CASZ1: variants seen among roughly 807,000 people sequenced by gnomAD.
The protein encoded by CASZ1 is zinc finger protein castor homolog 1.
CASZ1 carries 28 observed loss-of-function variants against 135.2 expected under a neutral mutation model. That is an observed-to-expected ratio of 0.21 (90% CI 0.15 to 0.28). The LOEUF (loss-of-function observed/expected upper bound fraction) is 0.28, where lower values mean the gene tolerates loss of function less well. Among genes scored for constraint, CASZ1 ranks in the 10% least tolerant of loss-of-function variants. CASZ1 has a pLI of 1.00. For synonymous variants in CASZ1, 1,068 were observed against 1,073.4 expected, an observed-to-expected ratio of 0.99 and a Z score of 0.10; for missense variants, 2,161 against 2,453.3, an observed-to-expected ratio of 0.88 and a Z score of 2.52.
chr1:10,765,708 G>A (rs1421986997), intron 1 of CASZ1, among the ~76,000 whole-genome samples: 3 of 152,182 alleles, frequency 2.0e-5, no homozygotes, highest in Non-Finnish European at 2.9e-5. Flanking sequence ...GGGCAAGAAC[G>A]CAGCTCAAGT....
At position 10,697,223 on chromosome 1, in the gene CASZ1, G is replaced by A. The variant is rs902629913; in HGVS notation, c.-23-3311C>T. 6.6e-6 allele frequency among the ~76,000 whole-genome samples: 1 copy of A among 150,750 alleles called. No individual in the cohort carries two copies. The highest frequency in any genetic ancestry group is 2.4e-5 in the African/African-American group (1 of 41,144). On this transcript the variant is annotated intron_variant, in intron 3 of 20. Coordinates refer to ENST00000377022, the MANE Select transcript of CASZ1 (RefSeq NM_001079843.3). This position sits in a 1 kb window ranked among gnomAD's most constrained non-coding sequence, Gnocchi z 4.7. ...TATGAGTCAGAGGCTGTGTCATGGA[G>A]GGGCCCCCAGATTATGCGCCCCCCC...
intron 2 of CASZ1, among the ~76,000 whole-genome samples, chr1:10,714,099 G>A (rs988168712): frequency 7.2e-5 from 11 of 152,296 alleles, no homozygotes; most frequent in African/African-American, 2.6e-4. Flanking sequence ...CTGAGGTCAC[G>A]AGTTCGAGAC....
In CASZ1 at chr1:10,762,136, G is replaced by A. The variant is rs564971032; in HGVS notation, c.-233-1279C>T. On this transcript the variant is annotated intron_variant, in intron 1 of 20. Coordinates refer to ENST00000377022, the MANE Select transcript of CASZ1 (RefSeq NM_001079843.3). The surrounding 1 kb of genome is among the most constrained non-coding windows in gnomAD (Gnocchi z 4.1). ...GCCTCCCAAGGTTGGACCTGAGTGCGAGGGGGAGTTGGCTCTTTGAAGGTG... is the reference window on the plus strand; with the variant it reads ...GCCTCCCAAGGTTGGACCTGAGTGCAAGGGGGAGTTGGCTCTTTGAAGGTG... Among the ~76,000 whole-genome samples the A allele has an allele frequency of 2.0e-5, 3 of 152,162 alleles. No homozygotes were observed. Among genetic ancestry groups the A allele is most frequent in the African/African-American group, 4.8e-5 (2 of 41,532 alleles).
At position 10,646,958 on chromosome 1, in the gene CASZ1, G is replaced by T. The variant is rs1055478631; in HGVS notation, c.3498-632C>A. On this transcript the variant is annotated intron_variant, in intron 16 of 20. Transcript: ENST00000377022. This position sits in a 1 kb window ranked among gnomAD's most constrained non-coding sequence, Gnocchi z 6.4. Reference sequence around the variant, plus strand: ...CGGGTGTGCTGGCCTGCCCTAGGCCGCCTCCAGGATGCAGAGGGGTGCAGG... The same window carrying T: ...CGGGTGTGCTGGCCTGCCCTAGGCCTCCTCCAGGATGCAGAGGGGTGCAGG... 6.6e-6 allele frequency among the ~76,000 whole-genome samples: 1 copy of T among 152,100 alleles called. No individual in the cohort carries two copies. Among genetic ancestry groups the T allele is most frequent in the Non-Finnish European group, 1.5e-5 (1 of 67,994 alleles).
At chr1:10,687,329 C>G (rs562754555) in intron 4 of CASZ1, among the ~76,000 whole-genome samples, 81 of 152,228 alleles carry the variant, frequency 5.3e-4, no homozygotes, top group Non-Finnish European at 9.3e-4. Context: ...CCAGCCTCAG[C>G]CAGGTGGCAT....
rs1175551598 is a variant in CASZ1, at chr1:10,726,417, T to C, written c.-76-20873A>G. Among the ~76,000 whole-genome samples the C allele has an allele frequency of 6.6e-6, 1 of 152,206 alleles. No homozygotes were observed. The highest frequency in any genetic ancestry group is 1.5e-5 in the Non-Finnish European group (1 of 68,026). On this transcript the variant is annotated intron_variant, in intron 2 of 20. Coordinates refer to ENST00000377022, the MANE Select transcript of CASZ1 (RefSeq NM_001079843.3). This position sits in a 1 kb window ranked among gnomAD's most constrained non-coding sequence, Gnocchi z 5.7. ...TTCAGAAGATGCTATGAAATACTCA[T>C]GGCCATCACAGTCCTCCTGGCTGGA...
In CASZ1 at chr1:10,639,253, G is replaced by T. The variant is rs1642112498; in HGVS notation, c.4969C>A (p.Pro1657Thr). 2.1e-6 allele frequency: 2 copies of T among 952,144 alleles called. No individual in the cohort carries two copies. Among genetic ancestry groups the T allele is most frequent in the African/African-American group, 3.6e-5 (2 of 55,838 alleles). The allele number at this position is 952,144 out of a possible 1,614,324, so 59.0% of individuals were successfully genotyped here. A position where few individuals can be genotyped will look rare whatever the true frequency, so the allele number is the denominator to read the frequency against. The stretch of plus-strand genomic sequence containing the variant: ...GCGGCGGCGCCCTCGCGCGGCCCGG[G>T]GGCGGCGGCGTCGGGCGGGCCGGGG... ...GDPGPPDAAA[P>T]GPREGAAAAA... Residue 1657 changes from proline to threonine, a missense_variant, in exon 21 of 21, where the codon CCC becomes ACC. Pro to Thr is a conservative substitution (Grantham distance 38, BLOSUM62 -1). Around this residue, in one of 7 missense-constraint regions of CASZ1, gnomAD observed 185 missense variants for 134.7 expected, o/e 1.37. Coordinates refer to ENST00000377022, the MANE Select transcript of CASZ1 (RefSeq NM_001079843.3). The surrounding 1 kb of genome is among the most constrained non-coding windows in gnomAD (Gnocchi z 4.0).
In CASZ1 at chr1:10,740,515, G is replaced by A. The variant is rs553727328; in HGVS notation, c.-77+20186C>T. ...GGGCTTTGAGGCAGTGTCTCCCCAG[G>A]GCAGCCACACCATGGTGGAGGCCCT... On this transcript the variant is annotated intron_variant, in intron 2 of 20. Transcript: ENST00000377022. Among the ~76,000 whole-genome samples, 6 of 152,344 alleles carry A rather than the reference G, an allele frequency of 3.9e-5. No individual in the cohort carries two copies. In the South Asian group the frequency reaches 1.2e-3, roughly 32 times the overall value.
rs1049064942 is a variant in CASZ1 at position 10,699,200 on chromosome 1, C to T, written c.-23-5288G>A. ...ATGGCCCAAATCTGGCCTCTCCCTG[C>T]ACTTCCAGCTCATCCTCCGTTCTCC... On this transcript the variant is annotated intron_variant, in intron 3 of 20. Coordinates refer to ENST00000377022, the MANE Select transcript of CASZ1 (RefSeq NM_001079843.3). The surrounding 1 kb of genome is among the most constrained non-coding windows in gnomAD (Gnocchi z 4.6). 9.2e-5 allele frequency among the ~76,000 whole-genome samples: 14 copies of T among 152,236 alleles called. No homozygotes were observed. Among genetic ancestry groups the T allele is most frequent in the African/African-American group, 3.1e-4 (13 of 41,456 alleles).
intron 2 of CASZ1, among the ~76,000 whole-genome samples, chr1:10,714,464 G>A (rs942588375): frequency 2.0e-5 from 3 of 152,206 alleles, no homozygotes; most frequent in Admixed American, 1.3e-4. Context: ...CTTCCACTAC[G>A]CCAGAGCCTT....
Position 10,726,495 on chromosome 1 carries a change from C to T in CASZ1, c.-76-20951G>A, listed in dbSNP as rs549893624. Among the ~76,000 whole-genome samples, 27 of 152,294 alleles carry T rather than the reference C, an allele frequency of 1.8e-4. No homozygotes were observed. Among genetic ancestry groups the T allele is most frequent in the African/African-American group, 6.3e-4 (26 of 41,572 alleles). ...TCCTCCAGGCTGGCCAGGCTGGGGC[C>T]GGTGGAGGATGCCACCTTTTCCTCG... On this transcript the variant is annotated intron_variant, in intron 2 of 20. Transcript: ENST00000377022. This position sits in a 1 kb window ranked among gnomAD's most constrained non-coding sequence, Gnocchi z 5.7.
intron 4 of CASZ1, among the ~76,000 whole-genome samples, chr1:10,668,783 G>A (rs1212840242): frequency 6.6e-6 from 1 of 152,272 alleles, no homozygotes; most frequent in Non-Finnish European, 1.5e-5. Context: ...AGGTGAGAGA[G>A]GGCACCTGTC....
intron 4 of CASZ1, among the ~76,000 whole-genome samples, chr1:10,683,306 T>C (rs284262): frequency 0.57 from 86,249 of 151,806 alleles, 25,166 homozygotes; most frequent in African/African-American, 0.64. Flanking sequence ...GGAAAGAAGC[T>C]GGTTCACTCT....
In CASZ1 at chr1:10,659,907, G is replaced by A. The variant is rs142093239; in HGVS notation, c.1135C>T (p.Arg379Trp). The A allele has an allele frequency of 3.4e-5, 55 of 1,611,610 alleles. No homozygotes were observed. Among genetic ancestry groups the A allele is most frequent in the South Asian group, 1.2e-4 (11 of 91,026 alleles). ...GCGGGGCCTGGCTTCTGGATGCCCC[G>A]GACGTCGTACTTGGAAGGGCGCCCC... ...KVGRPSKYDVRGIQKPGPAKV... is the reference protein window; with the variant it reads ...KVGRPSKYDVWGIQKPGPAKV... Residue 379 changes from arginine (R) to tryptophan (W), a missense_variant, in exon 6 of 21, where the codon CGG becomes TGG. By Grantham distance (101) the Arg-to-Trp change is moderately radical (BLOSUM62 -3). Around this residue, in one of 7 missense-constraint regions of CASZ1, gnomAD observed 590 missense variants for 609.8 expected, o/e 0.97. Coordinates refer to ENST00000377022, the MANE Select transcript of CASZ1 (RefSeq NM_001079843.3).
At chr1:10,748,958 C>T (rs1204285950) in intron 2 of CASZ1, among the ~76,000 whole-genome samples, 1 of 152,184 alleles carries the variant, frequency 6.6e-6, no homozygotes, top group Admixed American at 6.5e-5. Flanking sequence ...CCCCAACTCG[C>T]TTCTGTCTTT....
rs1014424302 is a variant in CASZ1 at position 10,747,075 on chromosome 1, T to A, written c.-77+13626A>T. Reference sequence around the variant, plus strand: ...GAAGTCCATGGAGTGACAAATGGCATGTGATGGCCACCCAGTTGGCAGTGC... The same window carrying A: ...GAAGTCCATGGAGTGACAAATGGCAAGTGATGGCCACCCAGTTGGCAGTGC... On this transcript the variant is annotated intron_variant, in intron 2 of 20. Coordinates refer to ENST00000377022, the MANE Select transcript of CASZ1 (RefSeq NM_001079843.3). The surrounding 1 kb of genome is among the most constrained non-coding windows in gnomAD (Gnocchi z 4.3). Among the ~76,000 whole-genome samples the A allele has an allele frequency of 6.6e-6, 1 of 152,226 alleles. No individual in the cohort carries two copies. Among genetic ancestry groups the A allele is most frequent in the Non-Finnish European group, 1.5e-5 (1 of 68,026 alleles).
chr1:10,664,539 G>A (rs1047413657), intron 5 of CASZ1, among the ~76,000 whole-genome samples: 1 of 152,140 alleles, frequency 6.6e-6, no homozygotes, highest in Admixed American at 6.5e-5. Context: ...CTGCTGGGAG[G>A]GCCAGGGACA....
rs1022748582 is a variant in CASZ1 at position 10,637,668 on chromosome 1, C to T, written c.*1274G>A. 1 of 152,348 alleles carries T rather than the reference C, an allele frequency of 6.6e-6. No homozygotes were observed. Among genetic ancestry groups the T allele is most frequent in the Admixed American group, 6.5e-5 (1 of 15,288 alleles). 9.4% of individuals were successfully genotyped at this position (152,348 alleles called of 1,614,324 possible). A position where few individuals can be genotyped will look rare whatever the true frequency, so the allele number is the denominator to read the frequency against. ...ACTCGGTCCCCGGGGACCTCAGAGC[C>T]ACTGGCCAGGTGTGTGCCTGCCAGG... On this transcript the variant is annotated 3_prime_UTR_variant, in exon 21 of 21. Transcript: ENST00000377022.
chr1:10,647,631 G>A lies in CASZ1; in HGVS notation c.3497+170C>T. 1 of 1,463,314 alleles carries A rather than the reference G, an allele frequency of 6.8e-7. No homozygotes were observed. Among genetic ancestry groups the A allele is most frequent in the Non-Finnish European group, 9.0e-7 (1 of 1,110,676 alleles). 90.6% of individuals were successfully genotyped at this position (1,463,314 alleles called of 1,614,324 possible). On this transcript the variant is annotated intron_variant, in intron 16 of 20. Transcript: ENST00000377022. This position sits in a 1 kb window ranked among gnomAD's most constrained non-coding sequence, Gnocchi z 4.9. ...TGCTCTGGGACAGGCAGTGAGGTAG[G>A]AGCAGCAGCATCTTTGGCTAGAAGG...
Sources: allele counts gnomAD v4.1 joint callset (sites outside exome capture counted in the v4.1 genomes callset), GRCh38; gene constraint gnomAD v4.1.1; regional missense constraint gnomAD v4.1.1; non-coding constraint Gnocchi (gnomAD v3.1); transcripts MANE v1.5; gene names NCBI Gene and HGNC (gene_info 2026-07-23, HGNC 2026-07-21).